CTNNA2: variants seen among roughly 807,000 people sequenced by gnomAD.
CTNNA2 encodes catenin alpha-2.
CTNNA2 carries 42 observed loss-of-function variants against 101.0 expected under a neutral mutation model. The observed-to-expected ratio is 0.42, with a 90% CI of 0.32 to 0.54. CTNNA2 has a LOEUF of 0.54. Ranked by LOEUF, CTNNA2 falls within the 20% of genes least tolerant of loss-of-function variation. The pLI, the probability that CTNNA2 is intolerant of heterozygous loss-of-function variation, is 0.14. For missense variants in CTNNA2, 871 were observed against 1,223.1 expected, an observed-to-expected ratio of 0.71 and a Z score of 4.29; for synonymous variants, 450 against 456.4, an observed-to-expected ratio of 0.99 and a Z score of 0.18.
intron 9 of CTNNA2, among the ~76,000 whole-genome samples, chr2:80,529,123 C>G (rs1285589847): frequency 6.6e-6 from 1 of 152,120 alleles, no homozygotes; most frequent in African/African-American, 2.4e-5. Flanking sequence ...CAGACAAACA[C>G]CAGAGTAGTT....
chr2:79,915,938 A>C (rs2104354942), intron 7 of CTNNA2, among the ~76,000 whole-genome samples: 1 of 152,332 alleles, frequency 6.6e-6, no homozygotes, highest in Middle Eastern at 3.4e-3. Context: ...CAGAAAGATA[A>C]CTTTGCCATA....
intron 17 of CTNNA2, among the ~76,000 whole-genome samples, chr2:80,617,670 A>G (rs1375445145): frequency 6.6e-6 from 1 of 151,672 alleles, no homozygotes; most frequent in Non-Finnish European, 1.5e-5. Context: ...CAAATCCATA[A>G]TCAGTTTGAA....
chr2:79,820,400 G>A (rs979557257), intron 3 of CTNNA2, among the ~76,000 whole-genome samples: 1 of 152,188 alleles, frequency 6.6e-6, no homozygotes, highest in Admixed American at 6.6e-5. Flanking sequence ...TGGAAGTTCA[G>A]TTGCCAAGAA....
At chr2:80,021,390 T>A (rs1694554907) in intron 7 of CTNNA2, among the ~76,000 whole-genome samples, 1 of 152,130 alleles carries the variant, frequency 6.6e-6, no homozygotes. Flanking sequence ...TGGAATCATT[T>A]GTTCAATTAT....
chr2:80,471,691 T>C (rs527958524), intron 9 of CTNNA2, among the ~76,000 whole-genome samples: 1 of 152,340 alleles, frequency 6.6e-6, no homozygotes, highest in African/African-American at 2.4e-5. Context: ...CTATGAGGAA[T>C]TTTTAAATGT....
At chr2:80,236,741 G>A (rs1288272968) in intron 7 of CTNNA2, among the ~76,000 whole-genome samples, 3 of 152,174 alleles carry the variant, frequency 2.0e-5, no homozygotes, top group Admixed American at 1.3e-4. Context: ...TTATGTCTGT[G>A]AAATCACTAG....
chr2:79,769,360 A>G (rs1480691559), intron 3 of CTNNA2, among the ~76,000 whole-genome samples: 1 of 152,152 alleles, frequency 6.6e-6, no homozygotes, highest in Non-Finnish European at 1.5e-5. Flanking sequence ...TCTGATGTTC[A>G]AGGAGACTGA....
chr2:79,374,758 TC>T (rs1442338874), intron 4 of CTNNA2, among the ~76,000 whole-genome samples: 1 of 67,224 alleles, frequency 1.5e-5, no homozygotes, highest in Non-Finnish European at 2.7e-5. Context: ...AAATGTTAAC[TC>T]CATGAGATTT....
intron 8 of CTNNA2, among the ~76,000 whole-genome samples, chr2:80,396,737 T>G (rs1425088025): frequency 6.6e-6 from 1 of 152,216 alleles, no homozygotes; most frequent in East Asian, 1.9e-4. Flanking sequence ...CATTTCTCTC[T>G]GAGAAGCTAA....
At chr2:79,907,188 T>C (rs1685481371) in intron 6 of CTNNA2, among the ~76,000 whole-genome samples, 1 of 152,216 alleles carries the variant, frequency 6.6e-6, no homozygotes, top group Non-Finnish European at 1.5e-5. Flanking sequence ...GTTTTCATTA[T>C]GTTTTATGTT....
chr2:80,093,848 G>A (rs977119637), intron 7 of CTNNA2, among the ~76,000 whole-genome samples: 1 of 151,970 alleles, frequency 6.6e-6, no homozygotes, highest in Admixed American at 6.6e-5. Context: ...TTTTTGATGG[G>A]GTTGTTTGTT....
At chr2:80,635,071 A>C (rs1372230080) in intron 18 of CTNNA2, among the ~76,000 whole-genome samples, 1 of 152,132 alleles carries the variant, frequency 6.6e-6, no homozygotes, top group African/African-American at 2.4e-5. Flanking sequence ...CAAGAACCTG[A>C]AGTATAATTT....
chr2:80,288,150 A>G (rs1674933051), intron 7 of CTNNA2, among the ~76,000 whole-genome samples: 1 of 152,178 alleles, frequency 6.6e-6, no homozygotes, highest in Non-Finnish European at 1.5e-5. Context: ...TTCAACTGAA[A>G]GTGAGGCAAA....
At chr2:79,296,827 CA>C (rs1675990803) in intron 2 of CTNNA2, among the ~76,000 whole-genome samples, 1 of 152,080 alleles carries the variant, frequency 6.6e-6, no homozygotes, top group Admixed American at 6.6e-5. Context: ...TCCTTACATT[CA>C]AAAATGGTGC....
chr2:80,564,733 G>A (rs1328403891), intron 12 of CTNNA2, among the ~76,000 whole-genome samples: 1 of 152,172 alleles, frequency 6.6e-6, no homozygotes, highest in Non-Finnish European at 1.5e-5. Context: ...GTCCAAGAAT[G>A]TATGCAGGAA....
intron 4 of CTNNA2, among the ~76,000 whole-genome samples, chr2:79,475,107 C>T (rs1671037493): frequency 6.6e-6 from 1 of 152,086 alleles, no homozygotes; most frequent in African/African-American, 2.4e-5. Flanking sequence ...AGGAATTCTC[C>T]TCTAAAGAAA....
At chr2:79,209,533 T>C (rs1674142422) in intron 2 of CTNNA2, among the ~76,000 whole-genome samples, 1 of 152,250 alleles carries the variant, frequency 6.6e-6, no homozygotes, top group African/African-American at 2.4e-5. Flanking sequence ...TTTATTCTTG[T>C]ATCAGTGAGA....
At chr2:79,480,005 A>G (rs1457171166) in intron 4 of CTNNA2, among the ~76,000 whole-genome samples, 1 of 152,126 alleles carries the variant, frequency 6.6e-6, no homozygotes, top group Non-Finnish European at 1.5e-5. Context: ...GAGGCAGTAC[A>G]AGAAGCATGG....
chr2:79,411,052 T>C (rs982538880), intron 4 of CTNNA2, among the ~76,000 whole-genome samples: 4 of 152,182 alleles, frequency 2.6e-5, no homozygotes, highest in African/African-American at 9.7e-5. Flanking sequence ...TTGAGGAATT[T>C]ATCCATTTCT....
Sources: allele counts gnomAD v4.1 joint callset (sites outside exome capture counted in the v4.1 genomes callset), GRCh38; gene constraint gnomAD v4.1.1; transcripts MANE v1.5; gene names NCBI Gene and HGNC (gene_info 2026-07-23, HGNC 2026-07-21).